The following RBBP5 variants were observed in gnomAD, a reference collection of about 807,000 sequenced individuals.
RBBP5 encodes retinoblastoma-binding protein 5.
A neutral mutation model predicts 72.2 loss-of-function variants in RBBP5; 5 were observed. That is an observed-to-expected ratio of 0.07 (90% confidence interval 0.04 to 0.15). The LOEUF (loss-of-function observed/expected upper bound fraction) is 0.15. Among genes scored for constraint, RBBP5 ranks in the 10% least tolerant of loss-of-function variants. The probability of loss-of-function intolerance (pLI) is 1.00; values close to 1 mark genes in which losing one functional copy is unlikely to be tolerated. For synonymous variants in RBBP5, 209 were observed against 237.2 expected (o/e 0.88, Z 1.09); for missense variants, 322 against 652.2 (o/e 0.49, Z 5.51).
chr1:205,119,629 C>T (rs1656661066), intron 1 of RBBP5, among the ~76,000 whole-genome samples: 1 of 152,152 alleles, frequency 6.6e-6, no homozygotes, highest in South Asian at 2.1e-4. Context: ...GAGTCCCAAG[C>T]TGCCAAAGGA....
chr1:205,119,057 C>T (rs930255796), intron 1 of RBBP5, among the ~76,000 whole-genome samples: 10 of 152,130 alleles, frequency 6.6e-5, no homozygotes, highest in African/African-American at 2.2e-4. Context: ...TGTTATCTTT[C>T]GGACCCAGGC....
intron 6 of RBBP5, 81 bp from the exon 7 acceptor site, chr1:205,100,352 A>G: frequency 2.0e-6 from 3 of 1,507,086 alleles, no homozygotes; most frequent in African/African-American, 1.4e-5. Context: ...AAACTAGGGA[A>G]GAATTGAGGA....
chr1:205,116,899 C>G (rs1656546700), intron 1 of RBBP5, among the ~76,000 whole-genome samples: 1 of 152,206 alleles, frequency 6.6e-6, no homozygotes, highest in Admixed American at 6.5e-5. Context: ...ACCTTGAAAC[C>G]TTTAACAAAA....
intron 4 of RBBP5, 25 bp from the exon 5 acceptor site, chr1:205,104,044 T>C (rs771694079): frequency 1.9e-6 from 3 of 1,598,052 alleles, no homozygotes; most frequent in East Asian, 2.2e-5. Flanking sequence ...GAACAGTACA[T>C]TGGCTGTTGC....
rs758254238 is a variant in RBBP5 at position 205,121,885 on chromosome 1, G to A, written c.-12C>T. The A allele has an allele frequency of 3.7e-6, 6 of 1,610,648 alleles. No individual in the cohort carries two copies. The highest frequency in any genetic ancestry group is 1.1e-5 in the South Asian group (1 of 91,076). ...AACTCGAGGTTCATCCCTGCGGACT[G>A]TGGCCGCCCGGTCTCAGCTCCGGCA... On this transcript the variant is annotated 5_prime_UTR_variant, in exon 1 of 14. Transcript: ENST00000264515.
At position 205,099,109 on chromosome 1, in the gene RBBP5, A is replaced by T; in HGVS notation, c.979-3T>A. 1.9e-6 allele frequency: 3 copies of T among 1,553,732 alleles called. No individual in the cohort carries two copies. The South Asian group carries it at 3.4e-5, about 18-fold the overall frequency. On this transcript the variant is annotated splice_polypyrimidine_tract_variant and splice_region_variant and intron_variant, in intron 9 of 13. Transcript: ENST00000264515. This position sits in a 1 kb window ranked among gnomAD's most constrained non-coding sequence, Gnocchi z 4.7. ...GGTGCAAATGCACTCCAGTTTTCCT[A>T]TACAACAAGATATACTACTTAACCA... is the stretch of plus-strand genomic sequence containing the variant.
chr1:205,109,536 T>C (rs1226236772), intron 3 of RBBP5, among the ~76,000 whole-genome samples: 1 of 150,360 alleles, frequency 6.7e-6, no homozygotes, highest in Non-Finnish European at 1.5e-5. Context: ...TGATTCTATT[T>C]TCCCTCTAAA....
intron 13 of RBBP5, among the ~76,000 whole-genome samples, chr1:205,092,287 C>T (rs1345919553): frequency 6.6e-6 from 1 of 152,134 alleles, no homozygotes; most frequent in African/African-American, 2.4e-5. Context: ...CCTCAATGCC[C>T]CTTTGAGGTT....
At chr1:205,107,671 T>A (rs1322845576) in intron 3 of RBBP5, among the ~76,000 whole-genome samples, 1 of 152,142 alleles carries the variant, frequency 6.6e-6, no homozygotes, top group Non-Finnish European at 1.5e-5. Context: ...CTAAGCCAGG[T>A]GCGGTGGCTC....
At chr1:205,107,052 A>G (rs796368055) in intron 3 of RBBP5, among the ~76,000 whole-genome samples, 45 of 150,242 alleles carry the variant, frequency 3.0e-4, no homozygotes, top group Non-Finnish European at 5.0e-4. Flanking sequence ...ATGTGTGTAT[A>G]TGTATGTGTG....
Position 205,103,951 on chromosome 1 carries a change from A to G in RBBP5, c.428T>C (p.Val143Ala). The change falls in exon 5 of 14, where the codon GTT becomes GCT. Residue 143 changes from valine (V) to alanine (A), a missense_variant. Val to Ala is a moderately conservative substitution (Grantham distance 64). Around this residue, in one of 6 missense-constraint regions of RBBP5, gnomAD observed 161 missense variants for 327.8 expected, o/e 0.49. Transcript: ENST00000264515. ...VMLTLSDSKH[V>A]VLPVDDDSDL... The stretch of plus-strand genomic sequence containing the variant: ...GGAGTCATCGTCCACCGGCAGAACA[A>G]CATGTTTGGAATCTGAAAGGGTCAA... The G allele has an allele frequency of 1.9e-6, 3 of 1,614,132 alleles. No individual in the cohort carries two copies. Among genetic ancestry groups the G allele is most frequent in the Non-Finnish European group, 2.5e-6 (3 of 1,180,006 alleles).
At chr1:205,109,064 A>G (rs1416699383) in intron 3 of RBBP5, among the ~76,000 whole-genome samples, 1 of 152,216 alleles carries the variant, frequency 6.6e-6, no homozygotes, top group Non-Finnish European at 1.5e-5. Flanking sequence ...GGTTATAAAT[A>G]TAGAGGGATT....
At chr1:205,110,854 G>A (rs1275400837) in intron 3 of RBBP5, among the ~76,000 whole-genome samples, 2 of 152,044 alleles carry the variant, frequency 1.3e-5, no homozygotes, top group African/African-American at 4.8e-5. Flanking sequence ...ACCTGAGGTC[G>A]GGAGGTCAAG....
intron 5 of RBBP5, among the ~76,000 whole-genome samples, chr1:205,103,495 G>C (rs1655928872): frequency 6.6e-6 from 1 of 152,154 alleles, no homozygotes; most frequent in Admixed American, 6.5e-5. Context: ...ATAAGTCTCA[G>C]TACTGTAAGT....
chr1:205,112,038 C>G (rs61822568), intron 3 of RBBP5, among the ~76,000 whole-genome samples: 48,500 of 151,896 alleles, frequency 0.32, 9,161 homozygotes, highest in Non-Finnish European at 0.44. Context: ...AATTATCTGG[C>G]TGGGCATGGA....
At chr1:205,121,645 A>T (rs1444727469) in intron 1 of RBBP5, among the ~76,000 whole-genome samples, 1 of 152,120 alleles carries the variant, frequency 6.6e-6, no homozygotes, top group Non-Finnish European at 1.5e-5. Context: ...TCGCTCCATA[A>T]TTGATATGAA....
intron 13 of RBBP5, chr1:205,091,592 A>C (rs142901393): frequency 6.6e-6 from 1 of 152,206 alleles, no homozygotes; most frequent in African/African-American, 2.4e-5. Flanking sequence ...CTTGAAATGC[A>C]TACTCTCCTG....
chr1:205,111,157 A>C (rs933880409), intron 3 of RBBP5, among the ~76,000 whole-genome samples: 46 of 152,326 alleles, frequency 3.0e-4, no homozygotes, highest in African/African-American at 1.1e-3. Context: ...GGGGTTGAAA[A>C]ATCTCTTACT....
chr1:205,087,755 C>A lies in RBBP5; in HGVS notation c.*1032G>T, dbSNP rs1043072463. On this transcript the variant is annotated 3_prime_UTR_variant, in exon 14 of 14. Transcript: ENST00000264515. ...AAATGTCAAAAAAAAAGCTAAGCAACCTTTCACAGAAAGGAAGTGACTGAA... is the reference window on the plus strand; with the variant it reads ...AAATGTCAAAAAAAAAGCTAAGCAAACTTTCACAGAAAGGAAGTGACTGAA... 6.6e-6 allele frequency: 1 copy of A among 152,342 alleles called. No individual in the cohort carries two copies. The highest frequency in any genetic ancestry group is 2.4e-5 in the African/African-American group (1 of 41,370). The allele number at this position is 152,342 out of a possible 1,614,324, so 9.4% of individuals were successfully genotyped here.
Sources: allele counts gnomAD v4.1 joint callset (sites outside exome capture counted in the v4.1 genomes callset), GRCh38; gene constraint gnomAD v4.1.1; regional missense constraint gnomAD v4.1.1; non-coding constraint Gnocchi (gnomAD v3.1); transcripts MANE v1.5; gene names NCBI Gene and HGNC (gene_info 2026-07-23, HGNC 2026-07-21).